CHSY3: variants seen among roughly 807,000 people sequenced by gnomAD.
CHSY3 encodes N-acetylgalactosaminyl-proteoglycan 3-beta-glucuronosyltransferase 3.
A neutral mutation model predicts 67.2 loss-of-function variants in CHSY3; 35 were observed. The observed-to-expected ratio is 0.52, with a 90% confidence interval of 0.40 to 0.69. CHSY3 has a LOEUF of 0.69. Ranked by LOEUF, CHSY3 falls within the 30% of genes least tolerant of loss-of-function variation. CHSY3 has a pLI of 0.00. For missense variants in CHSY3, 1,069 were observed against 1,138.5 expected (o/e 0.94, Z 0.88); for synonymous variants, 474 against 434.7 (o/e 1.09, Z -1.12).
At chr5:130,080,743 A>C (rs1453980040) in intron 2 of CHSY3, among the ~76,000 whole-genome samples, 1 of 152,120 alleles carries the variant, frequency 6.6e-6, no homozygotes, top group Non-Finnish European at 1.5e-5. Context: ...CTGTGTGATC[A>C]TAGTCAATCT....
At chr5:130,057,247 A>G (rs1001560181) in intron 2 of CHSY3, among the ~76,000 whole-genome samples, 4 of 151,918 alleles carry the variant, frequency 2.6e-5, no homozygotes, top group Non-Finnish European at 4.4e-5. Flanking sequence ...TTCTTTTTTT[A>G]AAAAACCACC....
chr5:129,967,689 A>C (rs2149611735), intron 2 of CHSY3, among the ~76,000 whole-genome samples: 1 of 151,908 alleles, frequency 6.6e-6, no homozygotes, highest in South Asian at 2.1e-4. Context: ...AGTGGCTATT[A>C]ATTATACAGA....
chr5:130,167,108 C>T (rs1561566987), intron 2 of CHSY3, among the ~76,000 whole-genome samples: 1 of 151,756 alleles, frequency 6.6e-6, no homozygotes, highest in Non-Finnish European at 1.5e-5. Context: ...TTTTTTTCCC[C>T]TGCTCCTTTT....
intron 2 of CHSY3, among the ~76,000 whole-genome samples, chr5:130,087,702 T>C (rs1416052362): frequency 6.6e-6 from 1 of 151,850 alleles, no homozygotes; most frequent in Admixed American, 6.6e-5. Flanking sequence ...AAACCACTGC[T>C]CAAGGAAATA....
rs769468825 is a variant in CHSY3, at chr5:130,184,672, C to T, written c.1530C>T (p.Ala510=). Residue 510 remains alanine, a synonymous_variant, in exon 3 of 3, where the codon GCC becomes GCT. Coordinates refer to ENST00000305031, the MANE Select transcript of CHSY3 (RefSeq NM_175856.5). ...LQVMEMINEN[A]KSRGRLIDFK... ...TGATGGAGATGATCAATGAGAATGC[C>T]AAGAGCAGAGGACGGCTCATTGACT... 8.1e-6 allele frequency: 13 copies of T among 1,605,728 alleles called. No individual in the cohort carries two copies. Among genetic ancestry groups the T allele is most frequent in the Admixed American group, 6.7e-5 (4 of 59,964 alleles).
At chr5:130,054,374 T>A (rs1367280548) in intron 2 of CHSY3, among the ~76,000 whole-genome samples, 1 of 152,182 alleles carries the variant, frequency 6.6e-6, no homozygotes, top group African/African-American at 2.4e-5. Flanking sequence ...TATATTAATA[T>A]TTATTAGCTG....
chr5:129,987,567 G>A (rs900424724), intron 2 of CHSY3, among the ~76,000 whole-genome samples: 2 of 152,068 alleles, frequency 1.3e-5, no homozygotes, highest in African/African-American at 4.8e-5. Context: ...ATGCTTAAAG[G>A]AATGACTTCT....
intron 2 of CHSY3, among the ~76,000 whole-genome samples, chr5:129,970,901 A>G (rs187666726): frequency 4.4e-4 from 67 of 152,020 alleles, no homozygotes; most frequent in African/African-American, 1.4e-3. Flanking sequence ...CTAAATTATT[A>G]TAGTTAAATA....
intron 2 of CHSY3, among the ~76,000 whole-genome samples, chr5:130,124,039 CAAAAAAAAAAAA>C (rs11297427): frequency 3.4e-5 from 2 of 58,242 alleles, no homozygotes; most frequent in African/African-American, 1.5e-4. Context: ...GACTCCATCT[CAAAAAAAAAAAA>C]AAAAAAAAAA....
chr5:130,094,234 T>G (rs1284386239), intron 2 of CHSY3, among the ~76,000 whole-genome samples: 1 of 152,094 alleles, frequency 6.6e-6, no homozygotes, highest in Admixed American at 6.6e-5. Flanking sequence ...AACTATAAAC[T>G]TCTTAAGAAA....
intron 2 of CHSY3, among the ~76,000 whole-genome samples, chr5:130,128,854 T>C (rs1264571368): frequency 2.6e-5 from 4 of 152,080 alleles, no homozygotes; most frequent in Admixed American, 2.6e-4. Flanking sequence ...ATAAAGTGGG[T>C]TAAAATATTT....
intron 2 of CHSY3, among the ~76,000 whole-genome samples, chr5:129,971,403 ATTTAATC>A (rs1762637011): frequency 6.6e-6 from 1 of 151,872 alleles, no homozygotes; most frequent in African/African-American, 2.4e-5. Flanking sequence ...TAATAAAATA[ATTTAATC>A]TTTAGCTATG....
chr5:130,084,864 A>G (rs1766563661), intron 2 of CHSY3, among the ~76,000 whole-genome samples: 1 of 151,988 alleles, frequency 6.6e-6, no homozygotes, highest in African/African-American at 2.4e-5. Context: ...CTGGGTTAAG[A>G]TAAGAAATTG....
At chr5:129,979,222 A>G (rs867221377) in intron 2 of CHSY3, among the ~76,000 whole-genome samples, 3,044 of 149,202 alleles carry the variant, frequency 0.02, 98 homozygotes, top group African/African-American at 0.067. Context: ...AAAAAAAAAA[A>G]AAAGAAAGAA....
chr5:130,096,320 T>C (rs1337915973), intron 2 of CHSY3, among the ~76,000 whole-genome samples: 1 of 152,160 alleles, frequency 6.6e-6, no homozygotes, highest in Non-Finnish European at 1.5e-5. Flanking sequence ...TACAGGCGCA[T>C]GCTACCATAC....
Position 129,905,351 on chromosome 5 carries a change from C to T in CHSY3, c.522C>T (p.Tyr174=), listed in dbSNP as rs1169056775. The change falls in exon 1 of 3, where the codon TAC becomes TAT. Residue 174 remains tyrosine, a synonymous_variant. Transcript: ENST00000305031. The stretch of plus-strand genomic sequence containing the variant: ...GCGCCCGACCCCGGGACTTCCTGTA[C>T]GTGGGGGTGATGACCGCGCAGAAGT... ...APSARPRDFL[Y]VGVMTAQKYL... is the part of the protein sequence containing the mutation. 1 of 1,566,982 alleles carries T rather than the reference C, an allele frequency of 6.4e-7. No homozygotes were observed. Among genetic ancestry groups the T allele is most frequent in the Non-Finnish European group, 8.6e-7 (1 of 1,160,048 alleles).
chr5:129,965,835 A>C (rs145972091), intron 2 of CHSY3, among the ~76,000 whole-genome samples: 1 of 151,850 alleles, frequency 6.6e-6, no homozygotes, highest in South Asian at 2.1e-4. Flanking sequence ...TTGATCAGCT[A>C]TTTGCCTGTT....
intron 2 of CHSY3, among the ~76,000 whole-genome samples, chr5:129,990,703 CTTAG>C (rs1763337193): frequency 6.6e-6 from 1 of 151,956 alleles, no homozygotes; most frequent in African/African-American, 2.4e-5. Flanking sequence ...TCAATTATTT[CTTAG>C]TTAATTTTTC....
chr5:130,185,184 AC>A lies in CHSY3; in HGVS notation c.2046del (p.Ala684GlnfsTer3). ...CTGATAAAAGGGTACCAGAACAAGT[AC>A]CCCAAAGCAGAAATGACCCTGATCC... Reference protein sequence around the residue: ...IELIKGYQNKYPKAEMTLIPM... With the variant: ...IELIKGYQNKXPKAEMTLIPM... On this transcript the variant is annotated frameshift_variant, in exon 3 of 3. Transcript: ENST00000305031. LOFTEE classifies it high-confidence loss of function. The A allele has an allele frequency of 6.2e-7, 1 of 1,611,566 alleles. No homozygotes were observed. Among genetic ancestry groups the A allele is most frequent in the Non-Finnish European group, 8.5e-7 (1 of 1,177,742 alleles).
Sources: gnomAD v4.1 joint callset for allele counts (sites outside exome capture counted in the v4.1 genomes callset) on GRCh38, gnomAD v4.1.1 for gene constraint, MANE v1.5 for transcripts, NCBI Gene and HGNC (gene_info 2026-07-23, HGNC 2026-07-21) for gene names.